IL1RAPL2: variants seen among roughly 807,000 people sequenced by gnomAD.
IL1RAPL2 encodes interleukin 1 receptor accessory protein like 2.
In IL1RAPL2, 3 loss-of-function variants were observed where a neutral mutation model predicts 44.1. The observed-to-expected ratio is 0.07, with a 90% confidence interval of 0.03 to 0.18. IL1RAPL2 has a LOEUF of 0.18. IL1RAPL2 is among the 10% of genes least tolerant of loss of function. IL1RAPL2 has a pLI of 1.00. For missense variants in IL1RAPL2, 391 were observed against 496.4 expected (o/e 0.79, Z 2.02); for synonymous variants, 181 against 178.8 (o/e 1.01, Z -0.10).
At chrX:105,295,589 T>A (rs1392622399) in intron 5 of IL1RAPL2, among the ~76,000 whole-genome samples, 1 of 111,869 alleles carries the variant, frequency 8.9e-6, no homozygotes, top group Non-Finnish European at 1.9e-5. Context: ...CAAATAGTGT[T>A]TTTTAAGTGA....
In IL1RAPL2 at chrX:104,947,963, G is replaced by T. The variant is rs1159157014; in HGVS notation, c.83-247512G>T. 4.5e-5 allele frequency among the ~76,000 whole-genome samples: 5 copies of T among 111,485 alleles called. No individual in the cohort carries two copies. The East Asian group carries it at 1.4e-3, about 31-fold the overall frequency. Reference sequence around the variant, plus strand: ...TTCCAATTCTGTGAAGAAAGTCATTGGTAGCTTGATGGGGATGGCATTGAA... The same window carrying T: ...TTCCAATTCTGTGAAGAAAGTCATTTGTAGCTTGATGGGGATGGCATTGAA... On this transcript the variant is annotated intron_variant, in intron 2 of 10. Coordinates refer to ENST00000372582, the MANE Select transcript of IL1RAPL2 (RefSeq NM_017416.2).
Position 104,768,793 on chromosome X carries a change from T to C in IL1RAPL2, c.82+109798T>C, listed in dbSNP as rs138859136. Among the ~76,000 whole-genome samples the C allele has an allele frequency of 5.7e-3, 636 of 111,488 alleles. 3 individuals carry two copies. Among genetic ancestry groups the C allele is most frequent in the African/African-American group, 0.02 (605 of 30,679 alleles). Reference sequence around the variant, plus strand: ...AGATCTTCAGAGATAGTGCATGCTTTCCTAGTAATGTACCTTTGCTTCTGC... The same window carrying C: ...AGATCTTCAGAGATAGTGCATGCTTCCCTAGTAATGTACCTTTGCTTCTGC... On this transcript the variant is annotated intron_variant, in intron 2 of 10. Transcript: ENST00000372582.
chrX:104,869,679 G>A (rs1922711809), intron 2 of IL1RAPL2, among the ~76,000 whole-genome samples: 2 of 111,718 alleles, frequency 1.8e-5, no homozygotes, highest in African/African-American at 6.5e-5. Flanking sequence ...TTAACATTAG[G>A]TATATCTCCT....
At chrX:104,732,477 A>ATGTTTT (rs1931938507) in intron 2 of IL1RAPL2, among the ~76,000 whole-genome samples, 1 of 112,066 alleles carries the variant, frequency 8.9e-6, no homozygotes, top group Non-Finnish European at 1.9e-5. Flanking sequence ...AAAACACAGT[A>ATGTTTT]ACAATATCTT....
At chrX:104,730,538 C>T (rs1298916513) in intron 2 of IL1RAPL2, among the ~76,000 whole-genome samples, 1 of 106,222 alleles carries the variant, frequency 9.4e-6, no homozygotes, top group Non-Finnish European at 2.0e-5. Flanking sequence ...CATGTCCCTA[C>T]AAAGGACATG....
intron 6 of IL1RAPL2, among the ~76,000 whole-genome samples, chrX:105,625,367 T>C (rs1294547308): frequency 8.9e-6 from 1 of 111,750 alleles, no homozygotes; most frequent in East Asian, 2.8e-4. Flanking sequence ...ATGACAGATA[T>C]GTGTGGAACT....
intron 6 of IL1RAPL2, among the ~76,000 whole-genome samples, chrX:105,489,860 C>T (rs1354890543): frequency 2.0e-5 from 2 of 101,995 alleles, no homozygotes; most frequent in Non-Finnish European, 4.0e-5. Context: ...TGAAGCCTTG[C>T]TCTGTCACAC....
chrX:105,482,267 A>G (rs918999239), intron 5 of IL1RAPL2, among the ~76,000 whole-genome samples: 1 of 112,128 alleles, frequency 8.9e-6, no homozygotes, highest in Non-Finnish European at 1.9e-5. Context: ...AACATCTGAT[A>G]TAACTGGATT....
intron 1 of IL1RAPL2, among the ~76,000 whole-genome samples, chrX:104,632,899 G>C (rs192709771): frequency 2.7e-5 from 3 of 111,261 alleles, no homozygotes; most frequent in Non-Finnish European, 5.7e-5. Flanking sequence ...TGTTGAGAGA[G>C]GGCATCCCTG....
At chrX:105,512,275 A>G (rs1018754241) in intron 6 of IL1RAPL2, among the ~76,000 whole-genome samples, 1 of 111,661 alleles carries the variant, frequency 9.0e-6, no homozygotes, top group Non-Finnish European at 1.9e-5. Flanking sequence ...CTAGCTCTAG[A>G]ATCTATTGGT....
Position 104,761,786 on chromosome X carries a change from G to T in IL1RAPL2, c.82+102791G>T, listed in dbSNP as rs368437058. On this transcript the variant is annotated intron_variant, in intron 2 of 10. Transcript: ENST00000372582. ...AGGCCCCATGCAAGTCCAAAATCCAGCAGGGCAGTCAAATCATCTCCTTCT... is the reference window on the plus strand; with the variant it reads ...AGGCCCCATGCAAGTCCAAAATCCATCAGGGCAGTCAAATCATCTCCTTCT... 7.3e-5 allele frequency among the ~76,000 whole-genome samples: 8 copies of T among 109,606 alleles called. No homozygotes were observed. The East Asian group carries it at 2.1e-3, about 28-fold the overall frequency.
At chrX:104,652,925 T>A (rs183364069) in intron 1 of IL1RAPL2, among the ~76,000 whole-genome samples, 1 of 111,217 alleles carries the variant, frequency 9.0e-6, no homozygotes, top group African/African-American at 3.3e-5. Context: ...TAGCCTTTCA[T>A]ACATCTCTTC....
At chrX:105,089,173 T>C (rs1020302766) in intron 2 of IL1RAPL2, among the ~76,000 whole-genome samples, 1 of 110,864 alleles carries the variant, frequency 9.0e-6, no homozygotes, top group African/African-American at 3.3e-5. Flanking sequence ...CTTCCTTAAC[T>C]GGAAGGAGTG....
chrX:105,668,110 A>G (rs945314745), intron 6 of IL1RAPL2, among the ~76,000 whole-genome samples: 5 of 110,225 alleles, frequency 4.5e-5, no homozygotes, highest in African/African-American at 1.3e-4. Context: ...GAGGGGGTAT[A>G]AGTCCTTATA....
At chrX:105,364,118 C>T (rs1320843461) in intron 5 of IL1RAPL2, among the ~76,000 whole-genome samples, 1 of 111,143 alleles carries the variant, frequency 9.0e-6, no homozygotes, top group Non-Finnish European at 1.9e-5. Context: ...GATAGGGGTC[C>T]AATTTCGTTC....
chrX:104,750,224 G>A (rs966256252), intron 2 of IL1RAPL2, among the ~76,000 whole-genome samples: 2 of 111,313 alleles, frequency 1.8e-5, no homozygotes, highest in Non-Finnish European at 3.8e-5. Context: ...TAGCCATGAT[G>A]TCATTGAGAT....
chrX:104,585,783 T>C (rs774775165), intron 1 of IL1RAPL2, among the ~76,000 whole-genome samples: 1 of 110,917 alleles, frequency 9.0e-6, no homozygotes, highest in East Asian at 2.9e-4. Flanking sequence ...TCATTCTTTT[T>C]TTATGGCTGC....
intron 2 of IL1RAPL2, among the ~76,000 whole-genome samples, chrX:104,832,171 T>G (rs1347902957): frequency 8.9e-6 from 1 of 111,979 alleles, no homozygotes; most frequent in Admixed American, 9.6e-5. Context: ...AATGTAAAAA[T>G]CAACAGATAT....
intron 2 of IL1RAPL2, among the ~76,000 whole-genome samples, chrX:104,859,593 C>G (rs1461532084): frequency 8.9e-6 from 1 of 111,764 alleles, no homozygotes; most frequent in Non-Finnish European, 1.9e-5. Context: ...ATGGTAGGTG[C>G]TATGATTATC....
Sources: gnomAD v4.1 joint callset for allele counts (sites outside exome capture counted in the v4.1 genomes callset) on GRCh38, gnomAD v4.1.1 for gene constraint, MANE v1.5 for transcripts, NCBI Gene and HGNC (gene_info 2026-07-23, HGNC 2026-07-21) for gene names.